The following FGF13 variants were observed in gnomAD, a reference collection of about 807,000 sequenced individuals.
FGF13 encodes fibroblast growth factor homologous factor 2.
In FGF13, 2 loss-of-function variants were observed where a neutral mutation model predicts 19.5. That is an observed-to-expected ratio of 0.10 (90% CI 0.04 to 0.32). The LOEUF is 0.32. FGF13 is among the 10% of genes least tolerant of loss of function. FGF13 has a pLI of 1.00. For missense variants in FGF13, 113 were observed against 192.7 expected (o/e 0.59, Z 2.45); for synonymous variants, 72 against 76.9 (o/e 0.94, Z 0.33).
chrX:138,898,548 T>C (rs1459494386), intron 1 of FGF13, among the ~76,000 whole-genome samples: 4 of 112,027 alleles, frequency 3.6e-5, no homozygotes, highest in Non-Finnish European at 1.9e-5. Context: ...CAAAGAATTA[T>C]TTCACCTTCA....
intron 3 of FGF13, among the ~76,000 whole-genome samples, chrX:138,762,284 C>T (rs1386230063): frequency 9.0e-6 from 1 of 110,923 alleles, no homozygotes; most frequent in Non-Finnish European, 1.9e-5. Context: ...ACCTGATAAC[C>T]ACTGTATGTG....
intron 3 of FGF13, among the ~76,000 whole-genome samples, chrX:138,684,292 C>A (rs1016100535): frequency 9.0e-6 from 1 of 111,498 alleles, no homozygotes; most frequent in African/African-American, 3.3e-5. Flanking sequence ...GGGTTAGAAA[C>A]TGCACTCCTG....
intron 1 of FGF13, among the ~76,000 whole-genome samples, chrX:138,729,216 T>C (rs953841895): frequency 1.8e-5 from 2 of 111,312 alleles, no homozygotes; most frequent in Non-Finnish European, 3.8e-5. Flanking sequence ...ATTATGGGAT[T>C]ATCAAACAGG....
intron 1 of FGF13, among the ~76,000 whole-genome samples, chrX:138,730,359 T>C (rs60034333): frequency 0.05 from 5,504 of 111,132 alleles, 313 homozygotes; most frequent in African/African-American, 0.17. Context: ...TAATAATGTG[T>C]GCATGTATAT....
chrX:138,877,440 T>C (rs996630642), intron 1 of FGF13, among the ~76,000 whole-genome samples: 13 of 111,850 alleles, frequency 1.2e-4, no homozygotes, highest in Admixed American at 8.6e-4. Context: ...TGTGGTAAAA[T>C]ATATACAGCG....
rs191435827 is a variant in FGF13 at position 138,634,959 on chromosome X, G to A, written c.601+498C>T. Reference sequence around the variant, plus strand: ...ACTGCACAGGTATGTTTATAGCAGCGCAATTCACAATGGCCAAAATATGGA... The same window carrying A: ...ACTGCACAGGTATGTTTATAGCAGCACAATTCACAATGGCCAAAATATGGA... On this transcript the variant is annotated intron_variant, in intron 4 of 4. Coordinates refer to ENST00000315930, the MANE Select transcript of FGF13 (RefSeq NM_004114.5). Among the ~76,000 whole-genome samples, 249 of 111,887 alleles carry A rather than the reference G, an allele frequency of 2.2e-3. 1 individual carries two copies. The highest frequency in any genetic ancestry group is 7.5e-3 in the African/African-American group (230 of 30,780).
intron 1 of FGF13, among the ~76,000 whole-genome samples, chrX:139,060,936 T>C (rs902641268): frequency 3.6e-5 from 4 of 111,644 alleles, no homozygotes; most frequent in African/African-American, 1.3e-4. Flanking sequence ...CTATTTTCCA[T>C]TAAATTTTTC....
At chrX:138,858,171 T>C (rs1439859497) in intron 2 of FGF13, among the ~76,000 whole-genome samples, 2 of 112,128 alleles carry the variant, frequency 1.8e-5, no homozygotes, top group African/African-American at 3.2e-5. Flanking sequence ...CTTTACTCTT[T>C]TGATTTCCAA....
Position 138,997,354 on chromosome X carries a change from G to A in FGF13, c.-112-132704C>T, listed in dbSNP as rs138254069. On this transcript the variant is annotated intron_variant, in intron 1 of 2. Coordinates refer to the FGF13 transcript ENST00000421460. ...GATTTTGATGAACTGAGAGAAGTACGCTTCAGAAGGTGGGTAATATCAAAC... is the reference window on the plus strand; with the variant it reads ...GATTTTGATGAACTGAGAGAAGTACACTTCAGAAGGTGGGTAATATCAAAC... 1.9e-3 allele frequency among the ~76,000 whole-genome samples: 214 copies of A among 111,737 alleles called. 3 individuals carry two copies. The Middle Eastern group carries it at 0.023, about 12-fold the overall frequency.
At chrX:139,199,966 A>C (rs2084402841) in intron 1 of FGF13, among the ~76,000 whole-genome samples, 1 of 112,313 alleles carries the variant, frequency 8.9e-6, no homozygotes, top group Non-Finnish European at 1.9e-5. Context: ...GGATTTGGGT[A>C]TAATGTGCAC....
chrX:139,030,085 C>T lies in FGF13; in HGVS notation c.-112-165435G>A, dbSNP rs1036248486. ...CTGTCTGCAGGCCCTACTTTGCCAA[C>T]CCCTAGTTTTCAAAGTTAGACAGAG... On this transcript the variant is annotated intron_variant, in intron 1 of 2. Coordinates refer to the FGF13 transcript ENST00000421460. Among the ~76,000 whole-genome samples, 8 of 111,602 alleles carry T rather than the reference C, an allele frequency of 7.2e-5. No homozygotes were observed. The Admixed American group carries it at 7.6e-4, about 11-fold the overall frequency.
intron 3 of FGF13, among the ~76,000 whole-genome samples, chrX:138,650,526 A>G (rs779513701): frequency 1.8e-5 from 2 of 112,104 alleles, no homozygotes; most frequent in Non-Finnish European, 3.8e-5. Context: ...TGTTATGACT[A>G]GCCAAATATG....
At chrX:138,763,108 T>A (rs2090478834) in intron 3 of FGF13, among the ~76,000 whole-genome samples, 1 of 111,076 alleles carries the variant, frequency 9.0e-6, no homozygotes, top group African/African-American at 3.3e-5. Context: ...AATGTTTATG[T>A]TTATGTGTAT....
At chrX:138,841,784 T>C (rs2091151417) in intron 3 of FGF13, among the ~76,000 whole-genome samples, 1 of 111,799 alleles carries the variant, frequency 8.9e-6, no homozygotes, top group South Asian at 3.7e-4. Context: ...TTACTGCATG[T>C]CCCCCAAAAT....
intron 1 of FGF13, among the ~76,000 whole-genome samples, chrX:138,946,883 C>T (rs2091784233): frequency 8.9e-6 from 1 of 111,975 alleles, no homozygotes; most frequent in African/African-American, 3.2e-5. Context: ...TGTCAGTCTC[C>T]AACAACTTCC....
At chrX:138,951,399 A>G (rs895021695) in intron 1 of FGF13, among the ~76,000 whole-genome samples, 2 of 112,117 alleles carry the variant, frequency 1.8e-5, no homozygotes, top group Non-Finnish European at 3.8e-5. Context: ...ACAATAAAAC[A>G]TTGATAAATT....
chrX:139,204,851 T>C (rs994755144), upstream of FGF13: 1 of 110,941 alleles, frequency 9.0e-6, no homozygotes, highest in Admixed American at 9.5e-5. Context: ...ATTTCCAGGT[T>C]CCTATTATTT....
intron 1 of FGF13, among the ~76,000 whole-genome samples, chrX:139,082,597 T>C (rs1020950704): frequency 1.8e-5 from 2 of 109,760 alleles, no homozygotes; most frequent in Non-Finnish European, 3.8e-5. Flanking sequence ...CAGACAAAAG[T>C]GAAAAAACAT....
intron 1 of FGF13, chrX:138,990,626 G>A (rs1039856639): frequency 1.8e-5 from 2 of 110,700 alleles, no homozygotes; most frequent in East Asian, 2.9e-4. Flanking sequence ...TCCTGTTTTC[G>A]AAACCATCAG....
Sources: allele counts gnomAD v4.1 joint callset (sites outside exome capture counted in the v4.1 genomes callset), GRCh38; gene constraint gnomAD v4.1.1; transcripts MANE v1.5; gene names NCBI Gene and HGNC (gene_info 2026-07-23, HGNC 2026-07-21).